The following RASSF4 variants were observed in gnomAD, a reference collection of about 807,000 sequenced individuals.
RASSF4 encodes the protein Ras association domain family member 4.
In RASSF4, 38 loss-of-function variants were observed where a neutral mutation model predicts 41.1. That is an observed-to-expected ratio of 0.92 (90% CI 0.71 to 1.21). RASSF4 has a LOEUF of 1.21. RASSF4 is among the 50% of genes most tolerant of loss of function. The pLI, the probability that RASSF4 is intolerant of heterozygous loss-of-function variation, is 0.00. For missense variants in RASSF4, 414 were observed against 419.4 expected (o/e 0.99, Z 0.11); for synonymous variants, 179 against 163.4 (o/e 1.10, Z -0.73).
At chr10:44,963,230 G>C (rs1840774467) in intron 1 of RASSF4, among the ~76,000 whole-genome samples, 1 of 152,168 alleles carries the variant, frequency 6.6e-6, no homozygotes, top group African/African-American at 2.4e-5. Context: ...GAGAGGAGGG[G>C]TCTGGTGATT....
At chr10:44,975,059 C>T (rs1317926715) in intron 3 of RASSF4, among the ~76,000 whole-genome samples, 2 of 152,148 alleles carry the variant, frequency 1.3e-5, no homozygotes, top group East Asian at 1.9e-4. Context: ...AGGACCTTTT[C>T]TGGGGACTGT....
In RASSF4 at chr10:44,989,264, C is replaced by T; in HGVS notation, c.532-10C>T. ...GGCCTGACCTGAACTTCTCTCCCTT[C>T]CTGGTACAGACCTCCGTGTTTACTC... On this transcript the variant is annotated splice_polypyrimidine_tract_variant and intron_variant, in intron 6 of 10. Coordinates refer to ENST00000340258, the MANE Select transcript of RASSF4 (RefSeq NM_032023.4). 1 of 1,592,656 alleles carries T rather than the reference C, an allele frequency of 6.3e-7. No homozygotes were observed. The highest frequency in any genetic ancestry group is 8.6e-7 in the Non-Finnish European group (1 of 1,160,944).
intron 1 of RASSF4, among the ~76,000 whole-genome samples, chr10:44,961,524 C>T (rs1400121588): frequency 1.3e-5 from 2 of 152,238 alleles, no homozygotes; most frequent in South Asian, 2.1e-4. Context: ...AGACTCTCTC[C>T]TCATTCATGG....
intron 3 of RASSF4, among the ~76,000 whole-genome samples, chr10:44,973,934 G>A (rs778228790): frequency 3.9e-5 from 6 of 152,250 alleles, no homozygotes; most frequent in Non-Finnish European, 1.5e-5. Context: ...TGAAGAAAGT[G>A]TAAGGGTTTG....
intron 2 of RASSF4, chr10:44,971,539 C>T (rs962590419): frequency 1.5e-5 from 10 of 666,150 alleles, no homozygotes; most frequent in East Asian, 8.7e-5. Context: ...AGGCCTGTCC[C>T]GTGAGTCTCG....
At position 44,985,093 on chromosome 10, in the gene RASSF4, A is replaced by C; in HGVS notation, c.531+123A>C. The C allele has an allele frequency of 2.7e-6, 3 of 1,106,028 alleles. No individual in the cohort carries two copies. The South Asian group carries it at 4.4e-5, about 16-fold the overall frequency. 68.5% of individuals were successfully genotyped at this position (1,106,028 alleles called of 1,614,324 possible). On this transcript the variant is annotated intron_variant, in intron 6 of 10. Transcript: ENST00000340258. ...TCCTGTGCCCTCAGGAGGAAAAACC[A>C]GGTTGCATCCACATAACAGCCCCGT...
chr10:44,977,738 A>C, intron 3 of RASSF4: 1 of 1,606,334 alleles, frequency 6.2e-7, no homozygotes, highest in Non-Finnish European at 8.5e-7. Context: ...AGTATCAGCC[A>C]TGGGCAGTGT....
rs1191949072 is a variant in RASSF4, at chr10:44,993,256, T to C, written c.906-13T>C. On this transcript the variant is annotated splice_polypyrimidine_tract_variant and intron_variant, in intron 10 of 10. Transcript: ENST00000340258. ...TGGCCTCAGTGAGTCCTCTTGGCGATGTCTCCCTCCAGGTTCCAAGCCCTG... is the reference window on the plus strand; with the variant it reads ...TGGCCTCAGTGAGTCCTCTTGGCGACGTCTCCCTCCAGGTTCCAAGCCCTG... 2 of 1,609,628 alleles carry C rather than the reference T, an allele frequency of 1.2e-6. No homozygotes were observed. The highest frequency in any genetic ancestry group is 2.2e-5 in the East Asian group (1 of 44,864).
chr10:44,979,737 G>C (rs1446943296), intron 3 of RASSF4, among the ~76,000 whole-genome samples: 1 of 151,412 alleles, frequency 6.6e-6, no homozygotes, highest in Non-Finnish European at 1.5e-5. Flanking sequence ...CCATGTAGGA[G>C]GGGGTCAGTG....
chr10:44,963,560 C>T (rs935512455), intron 1 of RASSF4, among the ~76,000 whole-genome samples: 36 of 152,184 alleles, frequency 2.4e-4, no homozygotes, highest in Admixed American at 7.2e-4. Context: ...CCAGGAATGC[C>T]GTCAGCGTGG....
chr10:44,968,002 T>C (rs186513403), intron 1 of RASSF4, among the ~76,000 whole-genome samples: 11 of 152,232 alleles, frequency 7.2e-5, no homozygotes, highest in South Asian at 6.2e-4. Flanking sequence ...AAAAAAAGCA[T>C]AGGGCTCCTT....
chr10:44,971,819 G>A lies in RASSF4; in HGVS notation c.109G>A (p.Gly37Ser). The A allele has an allele frequency of 6.2e-7, 1 of 1,612,520 alleles. No homozygotes were observed. The highest frequency in any genetic ancestry group is 8.5e-7 in the Non-Finnish European group (1 of 1,178,744). Residue 37 changes from glycine (G) to serine (S), a missense_variant, in exon 3 of 11, where the codon GGC becomes AGC. Gly to Ser is a moderately conservative substitution (Grantham distance 56, BLOSUM62 0). Coordinates refer to ENST00000340258, the MANE Select transcript of RASSF4 (RefSeq NM_032023.4). ...GAAAACCTACAACTGCTACCATGAG[G>A]GCAAGAGCTTCCAGCTGAGACACCG... ...LLKTYNCYHE[G>S]KSFQLRHREE...
At position 44,991,024 on chromosome 10, in the gene RASSF4, G is replaced by A. The variant is rs1488066276; in HGVS notation, c.762G>A (p.Arg254=). ...ATGGGCCATGTGAGAAGATCGCCAGGATCTTCCTGATGGAAGCTGACTTGG... is the reference window on the plus strand; with the variant it reads ...ATGGGCCATGTGAGAAGATCGCCAGAATCTTCCTGATGGAAGCTGACTTGG... ...ILHGPCEKIA[R]IFLMEADLGV... Residue 254 remains arginine (R), a synonymous_variant, in exon 9 of 11, where the codon AGG becomes AGA. Transcript: ENST00000340258. The A allele has an allele frequency of 6.2e-7, 1 of 1,613,878 alleles. No homozygotes were observed. Among genetic ancestry groups the A allele is most frequent in the East Asian group, 2.2e-5 (1 of 44,864 alleles).
intron 3 of RASSF4, chr10:44,977,754 G>A: frequency 8.1e-6 from 13 of 1,601,192 alleles, no homozygotes; most frequent in Non-Finnish European, 1.1e-5. Flanking sequence ...AGTGTGGGCT[G>A]CTGGCCACTG....
intron 8 of RASSF4, 138 bp from the exon 9 acceptor site, chr10:44,990,810 G>A (rs1842081007): frequency 1.3e-6 from 1 of 794,836 alleles, no homozygotes; most frequent in African/African-American, 1.7e-5. Flanking sequence ...GAATCTCTCA[G>A]GGCAGCGCTG....
Position 44,987,614 on chromosome 10 carries a change from CA to C in RASSF4, c.532-1655del, listed in dbSNP as rs1329318340. 7.0e-4 allele frequency among the ~76,000 whole-genome samples: 95 copies of C among 135,914 alleles called. 1 individual carries two copies. The highest frequency in any genetic ancestry group is 1.1e-4 in the Non-Finnish European group (7 of 64,564). The allele number at this position is 135,914 out of a possible 152,430, so 89.2% of individuals were successfully genotyped here. The stretch of plus-strand genomic sequence containing the variant: ...TTGCTGTTCAGCAACCTTCCATTTG[CA>C]AAAATGTGCACTTTTTTTTTTTTTT... On this transcript the variant is annotated intron_variant, in intron 6 of 10. Transcript: ENST00000340258.
At chr10:44,971,065 C>T (rs1351493964) in intron 2 of RASSF4, 7 of 200,414 alleles carry the variant, frequency 3.5e-5, no homozygotes, top group Non-Finnish European at 4.2e-5. Context: ...ACCATATCAC[C>T]TCCTAACATG....
At chr10:44,989,159 G>A in intron 6 of RASSF4, 115 bp from the exon 7 acceptor site, 1 of 656,808 alleles carries the variant, frequency 1.5e-6, no homozygotes, top group Non-Finnish European at 2.7e-6. Flanking sequence ...GAATGGACAG[G>A]TGCAGGTGTT....
At chr10:44,971,567 C>T (rs1460434605) in intron 2 of RASSF4, 1 of 682,288 alleles carries the variant, frequency 1.5e-6, no homozygotes, top group Non-Finnish European at 2.7e-6. Flanking sequence ...CTCAGCCCGA[C>T]CCCCATGCCC....
Sources: allele counts gnomAD v4.1 joint callset (sites outside exome capture counted in the v4.1 genomes callset), GRCh38; gene constraint gnomAD v4.1.1; transcripts MANE v1.5; gene names NCBI Gene and HGNC (gene_info 2026-07-23, HGNC 2026-07-21).